The following KAZN variants were observed in gnomAD, a reference collection of about 807,000 sequenced individuals.
KAZN encodes kazrin, periplakin interacting protein, also known as kazrin.
Under a neutral mutation model 87.4 loss-of-function variants are expected in KAZN, and 40 were observed. The ratio of observed to expected loss-of-function variants is 0.46; its 90% confidence interval spans 0.36 to 0.60. The LOEUF is 0.60. Among genes scored for constraint, KAZN ranks in the 20% least tolerant of loss-of-function variants. The pLI is 0.00. For synonymous variants in KAZN, 466 were observed against 458.3 expected, an observed-to-expected ratio of 1.02 and a Z score of -0.22; for missense variants, 898 against 1,073.9, an observed-to-expected ratio of 0.84 and a Z score of 2.29.
chr1:15,106,197 C>T (rs1641290094), intron 13 of KAZN, among the ~76,000 whole-genome samples: 1 of 152,128 alleles, frequency 6.6e-6, no homozygotes, highest in African/African-American at 2.4e-5. Context: ...CTGGGGATTA[C>T]TTGAGCCCGG....
intron 2 of KAZN, among the ~76,000 whole-genome samples, chr1:14,531,917 C>T (rs1274782063): frequency 1.3e-5 from 2 of 152,134 alleles, no homozygotes; most frequent in Non-Finnish European, 2.9e-5. Flanking sequence ...AGCCTCCCCG[C>T]GGGAGAGAGG....
chr1:14,208,729 G>T (rs548631822), intron 2 of KAZN, among the ~76,000 whole-genome samples: 70 of 152,284 alleles, frequency 4.6e-4, no homozygotes, highest in African/African-American at 1.6e-3. Context: ...TTAACTGATG[G>T]TAAAATAAAG....
At chr1:14,416,258 A>T (rs918350786) in intron 2 of KAZN, among the ~76,000 whole-genome samples, 2 of 152,168 alleles carry the variant, frequency 1.3e-5, no homozygotes, top group Non-Finnish European at 2.9e-5. Flanking sequence ...CATCATTTAT[A>T]TGCATTCACA....
chr1:14,108,663 T>C (rs898726548), intron 1 of KAZN, among the ~76,000 whole-genome samples: 2 of 152,146 alleles, frequency 1.3e-5, no homozygotes, highest in African/African-American at 4.8e-5. Flanking sequence ...CTGTGCCTTG[T>C]CCTCTTACGT....
At chr1:14,293,289 C>T (rs1262263041) in intron 2 of KAZN, among the ~76,000 whole-genome samples, 1 of 152,164 alleles carries the variant, frequency 6.6e-6, no homozygotes, top group East Asian at 1.9e-4. Context: ...TCTAGGGCCA[C>T]CATGAATGAT....
intron 1 of KAZN, among the ~76,000 whole-genome samples, chr1:14,690,821 A>G (rs1234087899): frequency 6.6e-6 from 1 of 152,160 alleles, no homozygotes; most frequent in African/African-American, 2.4e-5. Context: ...TTGTGTAATT[A>G]CACTCCCCGC....
In KAZN at chr1:14,267,374, A is replaced by C. The variant is rs1455018163; in HGVS notation, c.249+86782A>C. On this transcript the variant is annotated intron_variant, in intron 2 of 16. Transcript: ENST00000636203. Reference sequence around the variant, plus strand: ...AGCCGATAAGCAAAAAAAAAAAAAAAAAAAATCACAAAATATCTATGTTTT... The same window carrying C: ...AGCCGATAAGCAAAAAAAAAAAAAACAAAAATCACAAAATATCTATGTTTT... 4.6e-5 allele frequency among the ~76,000 whole-genome samples: 7 copies of C among 151,838 alleles called. No homozygotes were observed. In the East Asian group the frequency reaches 1.4e-3, roughly 29 times the overall value.
intron 2 of KAZN, among the ~76,000 whole-genome samples, chr1:14,209,343 C>A (rs1163147617): frequency 6.6e-6 from 1 of 152,170 alleles, no homozygotes; most frequent in African/African-American, 2.4e-5. Context: ...GGGAGACTGG[C>A]CCAAGAGGCC....
chr1:14,238,744 A>G (rs1490960702), intron 2 of KAZN, among the ~76,000 whole-genome samples: 1 of 152,224 alleles, frequency 6.6e-6, no homozygotes, highest in Non-Finnish European at 1.5e-5. Context: ...CTGATGGGGA[A>G]AGGATGGAGG....
At chr1:14,341,939 C>T (rs1657758105) in intron 2 of KAZN, among the ~76,000 whole-genome samples, 1 of 152,162 alleles carries the variant, frequency 6.6e-6, no homozygotes, top group African/African-American at 2.4e-5. Flanking sequence ...GGTATTAAGC[C>T]TAGTACCCAT....
At position 14,751,224 on chromosome 1, in the gene KAZN, A is replaced by T. The variant is rs142000388; in HGVS notation, c.226+152001A>T. On this transcript the variant is annotated intron_variant, in intron 1 of 14. Transcript: ENST00000376030. ...TAACACTTTGGTGAGCTTCCCCTAG[A>T]TCTTTCCAGGCCTTTAATTACATGT... 6.6e-5 allele frequency among the ~76,000 whole-genome samples: 10 copies of T among 152,294 alleles called. No individual in the cohort carries two copies. In the East Asian group the frequency reaches 1.9e-3, roughly 29 times the overall value.
intron 1 of KAZN, among the ~76,000 whole-genome samples, chr1:14,739,913 G>A (rs931689447): frequency 1.3e-5 from 2 of 152,090 alleles, no homozygotes; most frequent in African/African-American, 2.4e-5. Context: ...AATTATTTTC[G>A]TGATTCAGAG....
intron 10 of KAZN, 67 bp from the exon 11 acceptor site, chr1:15,101,476 C>A: frequency 9.3e-7 from 1 of 1,078,180 alleles, no homozygotes; most frequent in Non-Finnish European, 1.4e-6. Context: ...CCACCCATTT[C>A]TGCCCGTCCG....
intron 10 of KAZN, among the ~76,000 whole-genome samples, chr1:15,100,165 G>T (rs1640993416): frequency 1.3e-5 from 2 of 152,208 alleles, no homozygotes; most frequent in Non-Finnish European, 2.9e-5. Flanking sequence ...CCTGGAGATG[G>T]GTAATACAGA....
rs570486622 is a variant in KAZN at position 13,962,682 on chromosome 1, C to T, written c.91+68926C>T. 5.3e-5 allele frequency among the ~76,000 whole-genome samples: 8 copies of T among 152,272 alleles called. No individual in the cohort carries two copies. In the South Asian group the frequency reaches 1.7e-3, roughly 32 times the overall value. On this transcript the variant is annotated intron_variant, in intron 1 of 16. Coordinates refer to the KAZN transcript ENST00000636203. Reference sequence around the variant, plus strand: ...AAGCGATTCTCCTGCCTCAGCCTCCCATGTAGCCAGGATTACAGGAGTGCA... The same window carrying T: ...AAGCGATTCTCCTGCCTCAGCCTCCTATGTAGCCAGGATTACAGGAGTGCA...
At chr1:14,449,182 T>C (rs1294312715) in intron 2 of KAZN, among the ~76,000 whole-genome samples, 1 of 152,188 alleles carries the variant, frequency 6.6e-6, no homozygotes, top group Non-Finnish European at 1.5e-5. Flanking sequence ...TAATGCCTGA[T>C]TTCAAGAACA....
intron 2 of KAZN, among the ~76,000 whole-genome samples, chr1:14,227,979 C>A (rs1445561392): frequency 1.3e-5 from 2 of 152,122 alleles, no homozygotes; most frequent in Non-Finnish European, 2.9e-5. Context: ...TGCTTAGCAA[C>A]TTTGGTCCAT....
intron 1 of KAZN, among the ~76,000 whole-genome samples, chr1:14,102,432 C>T (rs1449623498): frequency 6.6e-6 from 1 of 151,854 alleles, no homozygotes; most frequent in Non-Finnish European, 1.5e-5. Context: ...TGTGACCCCT[C>T]CTGGTTGCAT....
At chr1:13,989,918 C>T (rs1241323603) in intron 1 of KAZN, among the ~76,000 whole-genome samples, 1 of 152,156 alleles carries the variant, frequency 6.6e-6, no homozygotes, top group African/African-American at 2.4e-5. Flanking sequence ...TGCCATGGCC[C>T]TAGGTAGGGC....
Sources: allele counts gnomAD v4.1 joint callset (sites outside exome capture counted in the v4.1 genomes callset), GRCh38; gene constraint gnomAD v4.1.1; transcripts MANE v1.5; gene names NCBI Gene and HGNC (gene_info 2026-07-23, HGNC 2026-07-21).